The following ALK variants were observed in gnomAD, a reference collection of about 807,000 sequenced individuals.
ALK encodes ALK tyrosine kinase receptor.
Under a neutral mutation model 163.1 loss-of-function variants are expected in ALK, and 74 were observed. The observed-to-expected ratio is 0.45, with a 90% confidence interval of 0.38 to 0.55. The LOEUF (loss-of-function observed/expected upper bound fraction) is 0.55. Among genes scored for constraint, ALK ranks in the 20% least tolerant of loss-of-function variants. ALK has a pLI of 0.00. For synonymous variants in ALK, 960 were observed against 843.2 expected (o/e 1.14, Z -2.40); for missense variants, 2,063 against 2,105.3 (o/e 0.98, Z 0.39).
intron 26 of ALK, among the ~76,000 whole-genome samples, chr2:29,200,838 T>C (rs978479866): frequency 1.1e-4 from 15 of 141,814 alleles, no homozygotes; most frequent in African/African-American, 3.9e-4. Flanking sequence ...TATATATATG[T>C]GTGTGTATAT....
In ALK at chr2:29,818,438, T is replaced by C. The variant is rs76728943; in HGVS notation, c.668-100741A>G. 2.5e-3 allele frequency among the ~76,000 whole-genome samples: 382 copies of C among 152,370 alleles called. 2 individuals carry two copies. The highest frequency in any genetic ancestry group is 4.9e-3 in the Non-Finnish European group (333 of 68,038). On this transcript the variant is annotated intron_variant, in intron 1 of 28. Transcript: ENST00000389048. ...GGCATAATGAAAACAAAAAGTGTTA[T>C]GCAAAATGAGACGTTAGAGGAAGCC...
chr2:29,625,969 T>G (rs1676182882), intron 3 of ALK, among the ~76,000 whole-genome samples: 1 of 152,194 alleles, frequency 6.6e-6, no homozygotes, highest in African/African-American at 2.4e-5. Flanking sequence ...AGCTGAATCT[T>G]AAAACATAGG....
At chr2:29,260,806 C>T (rs1471930744) in intron 11 of ALK, among the ~76,000 whole-genome samples, 1 of 151,654 alleles carries the variant, frequency 6.6e-6, no homozygotes. Flanking sequence ...TGCACTCCAG[C>T]TTGGGTGACA....
chr2:29,504,381 C>T (rs1227187848), intron 4 of ALK, among the ~76,000 whole-genome samples: 3 of 152,096 alleles, frequency 2.0e-5, no homozygotes, highest in African/African-American at 7.2e-5. Context: ...GGCCTGCTGG[C>T]ATAACTTGAT....
chr2:29,776,324 C>G (rs1681176417), intron 1 of ALK, among the ~76,000 whole-genome samples: 1 of 120,356 alleles, frequency 8.3e-6, no homozygotes, highest in South Asian at 2.8e-4. Context: ...GGCTGTTCAT[C>G]AAAAATCAAT....
At chr2:29,197,728 TTCAC>T (rs1189398372) in intron 26 of ALK, 52 bp from the exon 27 acceptor site, 2 of 1,410,142 alleles carry the variant, frequency 1.4e-6, no homozygotes, top group African/African-American at 1.4e-5. Flanking sequence ...CCCACCCACA[TTCAC>T]ACACACACAC....
At chr2:29,762,870 C>T (rs1287066519) in intron 1 of ALK, among the ~76,000 whole-genome samples, 10 of 152,010 alleles carry the variant, frequency 6.6e-5, no homozygotes, top group East Asian at 1.9e-4. Context: ...GGGCGGATCA[C>T]GAGGTCAAGA....
At chr2:29,819,476 C>T (rs1262313966) in intron 1 of ALK, among the ~76,000 whole-genome samples, 3 of 152,224 alleles carry the variant, frequency 2.0e-5, no homozygotes, top group African/African-American at 7.2e-5. Flanking sequence ...CTGGCTTGCG[C>T]GTGTTCTCTG....
chr2:29,225,717 A>G, intron 18 of ALK, 152 bp from the exon 19 acceptor site: 1 of 704,666 alleles, frequency 1.4e-6, no homozygotes, highest in East Asian at 2.7e-5. Context: ...TCAGGGGACC[A>G]TGAGCAGGAC....
rs759845895 is a variant in ALK at position 29,220,744 on chromosome 2, C to G, written c.3607G>C (p.Asp1203His). 8 of 1,613,762 alleles carry G rather than the reference C, an allele frequency of 5.0e-6. No homozygotes were observed. Among genetic ancestry groups the G allele is most frequent in the Non-Finnish European group, 6.8e-6 (8 of 1,179,784 alleles). Residue 1203 changes from aspartate (D) to histidine (H), a missense_variant, in exon 23 of 29, where the codon GAC becomes CAC. Around this residue, in one of 5 missense-constraint regions of ALK, gnomAD observed 575 missense variants for 626.6 expected, o/e 0.92. Transcript: ENST00000389048. The part of the protein sequence containing the change: ...FILLELMAGG[D>H]LKSFLRETRP... ...GTCTCTCGGAGGAAGGACTTGAGGTCTCCCCCCGCCATGAGCTCCAGCAGG... is the reference window on the plus strand; with the variant it reads ...GTCTCTCGGAGGAAGGACTTGAGGTGTCCCCCCGCCATGAGCTCCAGCAGG...
At chr2:29,919,028 A>C (rs1307624980) in intron 1 of ALK, among the ~76,000 whole-genome samples, 1 of 152,210 alleles carries the variant, frequency 6.6e-6, no homozygotes, top group Non-Finnish European at 1.5e-5. Flanking sequence ...GATACTCTGG[A>C]AAGAGTTAGA....
chr2:29,807,195 T>C (rs1013211063), intron 1 of ALK, among the ~76,000 whole-genome samples: 1 of 152,218 alleles, frequency 6.6e-6, no homozygotes, highest in Non-Finnish European at 1.5e-5. Context: ...CCTGACAACC[T>C]AGAAATATCT....
chr2:29,502,810 C>T (rs11684392), intron 4 of ALK, among the ~76,000 whole-genome samples: 23,271 of 152,072 alleles, frequency 0.15, 2,536 homozygotes, highest in African/African-American at 0.31. Context: ...GTGTGTACTG[C>T]TGACAGTTTT....
chr2:29,493,912 G>A (rs1196489670), intron 4 of ALK, among the ~76,000 whole-genome samples: 1 of 152,194 alleles, frequency 6.6e-6, no homozygotes, highest in East Asian at 1.9e-4. Flanking sequence ...CAATGAAGGA[G>A]AAGGCTCTTT....
intron 3 of ALK, among the ~76,000 whole-genome samples, chr2:29,598,308 G>A (rs1463317854): frequency 6.6e-6 from 1 of 152,208 alleles, no homozygotes; most frequent in Admixed American, 6.5e-5. Context: ...TTACAGGCGT[G>A]AGCCACCATG....
intron 15 of ALK, 68 bp from the exon 16 acceptor site, chr2:29,229,134 A>G (rs1664113154): frequency 5.3e-6 from 8 of 1,509,086 alleles, no homozygotes; most frequent in Non-Finnish European, 6.4e-6. Context: ...CTGGCCAGAG[A>G]AGCAGGATGC....
At chr2:29,285,871 C>G (rs1348236098) in intron 9 of ALK, among the ~76,000 whole-genome samples, 1 of 152,134 alleles carries the variant, frequency 6.6e-6, no homozygotes, top group East Asian at 1.9e-4. Flanking sequence ...CCTTCAGTGG[C>G]TGTTTATTAC....
chr2:29,804,383 G>T (rs919872009), intron 1 of ALK, among the ~76,000 whole-genome samples: 29 of 152,214 alleles, frequency 1.9e-4, no homozygotes, highest in Admixed American at 3.3e-4. Context: ...GTATGGATTT[G>T]TCCCTGAAGC....
At chr2:29,487,952 G>T (rs1410268186) in intron 4 of ALK, among the ~76,000 whole-genome samples, 1 of 152,038 alleles carries the variant, frequency 6.6e-6, no homozygotes, top group African/African-American at 2.4e-5. Context: ...GTTACTTTGG[G>T]CTTCTCTGCT....
Sources: allele counts gnomAD v4.1 joint callset (sites outside exome capture counted in the v4.1 genomes callset), GRCh38; gene constraint gnomAD v4.1.1; regional missense constraint gnomAD v4.1.1; transcripts MANE v1.5; gene names NCBI Gene and HGNC (gene_info 2026-07-23, HGNC 2026-07-21).